KCNJ6: variants seen among roughly 807,000 people sequenced by gnomAD.
The protein encoded by KCNJ6 is G protein-activated inward rectifier potassium channel 2.
In KCNJ6, 9 loss-of-function variants were observed where a neutral mutation model predicts 34.2. That is an observed-to-expected ratio of 0.26 (90% confidence interval 0.16 to 0.46). The LOEUF is 0.46. Ranked by LOEUF, KCNJ6 falls within the 20% of genes least tolerant of loss-of-function variation. KCNJ6 has a pLI of 1.00. For missense variants in KCNJ6, 236 were observed against 531.3 expected (o/e 0.44, Z 5.46); for synonymous variants, 196 against 207.1 (o/e 0.95, Z 0.46).
At chr21:37,731,244 G>A (rs993161558) in intron 2 of KCNJ6, among the ~76,000 whole-genome samples, 4 of 152,124 alleles carry the variant, frequency 2.6e-5, no homozygotes, top group African/African-American at 9.7e-5. Context: ...TGGAAATAAT[G>A]GAGTGAAAGA....
At chr21:37,915,004 C>G (rs2055886596) in intron 1 of KCNJ6, among the ~76,000 whole-genome samples, 1 of 151,912 alleles carries the variant, frequency 6.6e-6, no homozygotes, top group Admixed American at 6.6e-5. Flanking sequence ...CTAACCTCAC[C>G]CTCTGTGGCT....
intron 1 of KCNJ6, among the ~76,000 whole-genome samples, chr21:37,847,917 G>A (rs2123586998): frequency 6.6e-6 from 1 of 152,294 alleles, no homozygotes; most frequent in Non-Finnish European, 1.5e-5. Flanking sequence ...GAAGAGTGAT[G>A]GGAGAGGGGA....
intron 1 of KCNJ6, among the ~76,000 whole-genome samples, chr21:37,873,223 A>G (rs1050364722): frequency 7.2e-5 from 11 of 152,150 alleles, no homozygotes; most frequent in Non-Finnish European, 1.5e-4. Flanking sequence ...GTCGTTTCTT[A>G]TTAATATCAT....
chr21:37,676,614 A>G (rs1156272597), intron 3 of KCNJ6, among the ~76,000 whole-genome samples: 1 of 152,234 alleles, frequency 6.6e-6, no homozygotes, highest in Admixed American at 6.5e-5. Flanking sequence ...TTGGGGAGGT[A>G]GCAAGTGGAT....
At chr21:37,663,087 A>G (rs184107174) in intron 3 of KCNJ6, among the ~76,000 whole-genome samples, 173 of 152,324 alleles carry the variant, frequency 1.1e-3, no homozygotes, top group African/African-American at 3.8e-3. Context: ...AAAATTCTGT[A>G]GGTGAGATGA....
intron 1 of KCNJ6, among the ~76,000 whole-genome samples, chr21:37,887,205 C>T (rs1347649067): frequency 4.6e-5 from 7 of 152,150 alleles, no homozygotes; most frequent in Non-Finnish European, 1.0e-4. Flanking sequence ...AACTCTTAGA[C>T]CAACCTTGTA....
intron 3 of KCNJ6, among the ~76,000 whole-genome samples, chr21:37,640,013 A>AT (rs2054374104): frequency 6.6e-6 from 1 of 152,190 alleles, no homozygotes; most frequent in Admixed American, 6.5e-5. Flanking sequence ...TTCTTTATAG[A>AT]TTACCCAGTC....
At chr21:37,736,870 C>T (rs956076538) in intron 2 of KCNJ6, among the ~76,000 whole-genome samples, 2 of 152,188 alleles carry the variant, frequency 1.3e-5, no homozygotes, top group African/African-American at 2.4e-5. Flanking sequence ...CAGCATTTCA[C>T]GGTCACCCTC....
intron 2 of KCNJ6, among the ~76,000 whole-genome samples, chr21:37,758,645 A>ATT (rs61156792): frequency 4.7e-5 from 7 of 150,504 alleles, no homozygotes; most frequent in African/African-American, 1.7e-4. Flanking sequence ...AGCAATAGAG[A>ATT]TTTTTTTTTT....
intron 1 of KCNJ6, among the ~76,000 whole-genome samples, chr21:37,871,494 G>A (rs2055652209): frequency 6.6e-6 from 1 of 152,246 alleles, no homozygotes; most frequent in African/African-American, 2.4e-5. Flanking sequence ...CCCGATGAGG[G>A]CAGAGGCCAG....
intron 3 of KCNJ6, among the ~76,000 whole-genome samples, chr21:37,683,650 C>A (rs998717393): frequency 6.6e-6 from 1 of 152,214 alleles, no homozygotes; most frequent in African/African-American, 2.4e-5. Context: ...GTAGGAAAGA[C>A]CAAAGCCTGG....
intron 2 of KCNJ6, among the ~76,000 whole-genome samples, chr21:37,716,605 A>C (rs2054792737): frequency 6.6e-6 from 1 of 150,584 alleles, no homozygotes; most frequent in Non-Finnish European, 1.5e-5. Flanking sequence ...CTGGTCTTGA[A>C]CTCCTGGTCT....
intron 2 of KCNJ6, among the ~76,000 whole-genome samples, chr21:37,819,844 C>A (rs1012273283): frequency 6.7e-5 from 10 of 149,668 alleles, no homozygotes; most frequent in African/African-American, 2.5e-4. Context: ...AATGCAATGG[C>A]ACAATTTTGG....
At chr21:37,808,017 T>C (rs904328592) in intron 2 of KCNJ6, among the ~76,000 whole-genome samples, 7 of 152,218 alleles carry the variant, frequency 4.6e-5, no homozygotes, top group African/African-American at 1.7e-4. Context: ...CAGCCACTTA[T>C]GGCCAATTGT....
intron 2 of KCNJ6, among the ~76,000 whole-genome samples, chr21:37,765,550 C>G (rs2055086830): frequency 1.3e-5 from 2 of 152,186 alleles, no homozygotes; most frequent in South Asian, 2.1e-4. Context: ...ACGGAATTCT[C>G]TGGTCCAAAA....
chr21:37,856,143 G>T (rs1341666870), intron 1 of KCNJ6, among the ~76,000 whole-genome samples: 1 of 152,170 alleles, frequency 6.6e-6, no homozygotes, highest in Admixed American at 6.5e-5. Context: ...GAGGGAAGAG[G>T]TCCAAACATC....
chr21:37,826,401 A>C (rs543141509), intron 2 of KCNJ6, among the ~76,000 whole-genome samples: 1 of 152,314 alleles, frequency 6.6e-6, no homozygotes, highest in Admixed American at 6.5e-5. Flanking sequence ...AGTTTAAAAA[A>C]GTGAAAAAGT....
intron 2 of KCNJ6, among the ~76,000 whole-genome samples, chr21:37,769,676 G>A (rs577332326): frequency 6.6e-6 from 1 of 151,890 alleles, no homozygotes; most frequent in African/African-American, 2.4e-5. Flanking sequence ...ATTTGGAATG[G>A]GGGCTGCTAT....
chr21:37,890,586 T>A (rs1386154791), intron 1 of KCNJ6, among the ~76,000 whole-genome samples: 2 of 152,242 alleles, frequency 1.3e-5, no homozygotes, highest in Non-Finnish European at 2.9e-5. Context: ...GCTGCATGTC[T>A]GTACAGCAAA....
Sources: gnomAD v4.1 joint callset for allele counts (sites outside exome capture counted in the v4.1 genomes callset) on GRCh38, gnomAD v4.1.1 for gene constraint, MANE v1.5 for transcripts, NCBI Gene and HGNC (gene_info 2026-07-23, HGNC 2026-07-21) for gene names.